MPO: variants seen among roughly 807,000 people sequenced by gnomAD.
MPO encodes the protein myeloperoxidase.
In MPO, 57 loss-of-function variants were observed where a neutral mutation model predicts 69.4. The ratio of observed to expected loss-of-function variants is 0.82; its 90% CI spans 0.66 to 1.02. MPO has a LOEUF of 1.02. Ranked by LOEUF, MPO falls within the 50% of genes least tolerant of loss-of-function variation. The pLI is 0.00. For missense variants in MPO, 971 were observed against 1,014.1 expected (o/e 0.96, Z 0.58); for synonymous variants, 426 against 417.1 (o/e 1.02, Z -0.26).
chr17:58,278,828 A>C (rs1191100146), intron 6 of MPO, 180 bp downstream of exon 6: 3 of 765,328 alleles, frequency 3.9e-6, no homozygotes, highest in Non-Finnish European at 6.4e-6. Context: ...CAGCTGGCTG[A>C]GCCCAGGCGC....
rs768403805 is a variant in MPO at position 58,275,656 on chromosome 17, G to A, written c.1251C>T (p.Thr417=). The A allele has an allele frequency of 6.2e-7, 1 of 1,614,156 alleles. No homozygotes were observed. Among genetic ancestry groups the A allele is most frequent in the Non-Finnish European group, 8.5e-7 (1 of 1,180,022 alleles). The change falls in exon 8 of 12, where the codon ACC becomes ACT. Residue 417 remains threonine (T), a synonymous_variant. Transcript: ENST00000225275. The surrounding 1 kb of genome is among the most constrained non-coding windows in gnomAD (Gnocchi z 4.1). ...SEMPELTSMH[T]LLLREHNRLA... ...GCCGGTTGTGCTCCCGAAGTAAGAG[G>A]GTGTGCATGGAGGTGAGCTCGGGCA...
Position 58,280,800 on chromosome 17 carries a change from C to A in MPO, c.-42G>T, listed in dbSNP as rs1284742838. 6.2e-7 allele frequency: 1 copy of A among 1,611,668 alleles called. No homozygotes were observed. The highest frequency in any genetic ancestry group is 1.1e-5 in the South Asian group (1 of 90,636). On this transcript the variant is annotated 5_prime_UTR_variant, in exon 1 of 12. Coordinates refer to ENST00000225275, the MANE Select transcript of MPO (RefSeq NM_000250.2). Reference sequence around the variant, plus strand: ...TGCTCAATCCCCCTTTGTACCTCAGCCCCACCTCAGAGGGCCCTGTCTATG... The same window carrying A: ...TGCTCAATCCCCCTTTGTACCTCAGACCCACCTCAGAGGGCCCTGTCTATG...
Position 58,270,931 on chromosome 17 carries a change from T to C in MPO, c.2031-68A>G. On this transcript the variant is annotated intron_variant, in intron 11 of 11. Coordinates refer to ENST00000225275, the MANE Select transcript of MPO (RefSeq NM_000250.2). This position sits in a 1 kb window ranked among gnomAD's most constrained non-coding sequence, Gnocchi z 4.1. ...TGGGCTGGCAGGGCATCGATGGGCT[T>C]GTGCTGCTCCCAGGATATAACAAAG... 2.6e-6 allele frequency: 4 copies of C among 1,556,112 alleles called. No homozygotes were observed. The highest frequency in any genetic ancestry group is 3.5e-6 in the Non-Finnish European group (4 of 1,130,292).
In MPO at chr17:58,273,687, G is replaced by T. The variant is rs1422424531; in HGVS notation, c.1366-18C>A. ...GTGATGATCTAAAGACAAGTCATTT[G>T]GAATGGCCTCTCCACCCACTCCTCC... is the stretch of plus-strand genomic sequence containing the variant. On this transcript the variant is annotated intron_variant, in intron 8 of 11. Transcript: ENST00000225275. 6.2e-7 allele frequency: 1 copy of T among 1,614,130 alleles called. No individual in the cohort carries two copies. The highest frequency in any genetic ancestry group is 1.1e-5 in the South Asian group (1 of 91,076).
chr17:58,274,471 C>G (rs567025816), intron 8 of MPO, among the ~76,000 whole-genome samples: 99 of 151,832 alleles, frequency 6.5e-4, no homozygotes, highest in Non-Finnish European at 1.2e-3. Flanking sequence ...AGGAACATTG[C>G]CCCAGGGGTA....
At position 58,271,895 on chromosome 17, in the gene MPO, G is replaced by A; in HGVS notation, c.1793-3C>T. ...GAAGCGCCTCCAGGCATTGTATCCT[G>A]CATGGGGGAGGGGACAGGTGGCTAT... On this transcript the variant is annotated splice_region_variant and splice_polypyrimidine_tract_variant and intron_variant, in intron 10 of 11. Transcript: ENST00000225275. The A allele has an allele frequency of 6.2e-7, 1 of 1,613,834 alleles. No individual in the cohort carries two copies.
chr17:58,271,439 C>T (rs1291630011), intron 11 of MPO, among the ~76,000 whole-genome samples: 3 of 152,156 alleles, frequency 2.0e-5, no homozygotes, highest in Non-Finnish European at 4.4e-5. Context: ...ATCTTCCACC[C>T]TTTACAACCA....
At position 58,280,693 on chromosome 17, in the gene MPO, A is replaced by T. The variant is rs753375910; in HGVS notation, c.66T>A (p.Gly22=). Residue 22 remains glycine, a synonymous_variant, in exon 1 of 12, where the codon GGT becomes GGA. Transcript: ENST00000225275. ...MVDLGPCWAG[G]LTAEMKLLLA... ...GAAGCAGCTTCATCTCTGCAGTGAG[A>T]CCCCCAGCCCAGCAAGGTCCTAAGT... The T allele has an allele frequency of 6.2e-7, 1 of 1,614,048 alleles. No individual in the cohort carries two copies. Among genetic ancestry groups the T allele is most frequent in the Non-Finnish European group, 8.5e-7 (1 of 1,179,986 alleles).
intron 3 of MPO, 61 bp downstream of exon 3, chr17:58,279,778 T>C (rs922049058): frequency 1.9e-6 from 3 of 1,612,842 alleles, no homozygotes; most frequent in Non-Finnish European, 2.5e-6. Flanking sequence ...GAGAGACGGC[T>C]GGGGTCCCTA....
chr17:58,280,248 G>T (rs1567830062), intron 2 of MPO, 118 bp downstream of exon 2: 2 of 1,093,400 alleles, frequency 1.8e-6, no homozygotes, highest in African/African-American at 3.1e-5. Flanking sequence ...GACAGAAAGG[G>T]AGTCCACATG....
rs1487044311 is a variant in MPO, at chr17:58,280,640, AGAATG to A, written c.114_118del (p.Ile39GlyfsTer7). 2 of 1,614,204 alleles carry A rather than the reference AGAATG, an allele frequency of 1.2e-6. No individual in the cohort carries two copies. The highest frequency in any genetic ancestry group is 1.7e-6 in the Non-Finnish European group (2 of 1,180,040). Reference sequence around the variant, plus strand: ...ACCTTCAGAGGGCTGGGGCGTGGCCAGAATGGCCAGGAGCCCTGCTAGGGCCAGAA... The same window carrying A: ...ACCTTCAGAGGGCTGGGGCGTGGCCAGCCAGGAGCCCTGCTAGGGCCAGAA... On this transcript the variant is annotated frameshift_variant, in exon 1 of 12. Transcript: ENST00000225275. LOFTEE classifies it high-confidence loss of function.
At chr17:58,274,165 G>A (rs750780907) in intron 8 of MPO, 2 of 499,010 alleles carry the variant, frequency 4.0e-6, no homozygotes, top group African/African-American at 3.9e-5. Context: ...CAGGGAGGCA[G>A]GAAGGAACGA....
In MPO at chr17:58,279,191, G is replaced by C; in HGVS notation, c.702C>G (p.Ile234Met). 10 of 1,607,868 alleles carry C rather than the reference G, an allele frequency of 6.2e-6. No homozygotes were observed. Among genetic ancestry groups the C allele is most frequent in the Non-Finnish European group, 8.5e-6 (10 of 1,177,350 alleles). Residue 234 changes from isoleucine (I) to methionine (M), a missense_variant, in exon 6 of 12, where the codon ATC becomes ATG. Coordinates refer to ENST00000225275, the MANE Select transcript of MPO (RefSeq NM_000250.2). Reference sequence around the variant, plus strand: ...TCAGCTGATCAGTGGGGAAGCGCACGATCTCGTTGGAGACCGCGCGAGCCT... The same window carrying C: ...TCAGCTGATCAGTGGGGAAGCGCACCATCTCGTTGGAGACCGCGCGAGCCT... Reference protein sequence around the residue: ...VALARAVSNEIVRFPTDQLTP... With the variant: ...VALARAVSNEMVRFPTDQLTP...
At chr17:58,280,153 T>C (rs766078934) in intron 2 of MPO, 139 bp from the exon 3 acceptor site, 19 of 1,161,050 alleles carry the variant, frequency 1.6e-5, no homozygotes, top group Non-Finnish European at 2.4e-5. Context: ...AAAAAGGATA[T>C]GGACCTGGGT....
Position 58,270,561 on chromosome 17 carries a change from A to C in MPO, c.*95T>G. 3.0e-6 allele frequency: 3 copies of C among 1,013,790 alleles called. No individual in the cohort carries two copies. Among genetic ancestry groups the C allele is most frequent in the Non-Finnish European group, 4.6e-6 (3 of 657,794 alleles). The allele number at this position is 1,013,790 out of a possible 1,614,324, so 62.8% of individuals were successfully genotyped here. A position where few individuals can be genotyped will look rare whatever the true frequency, so the allele number is the denominator to read the frequency against. ...CACTCATTTTCTCAGCTGCACCCAG[A>C]ACAGGGCTGGGCTCATCTAGGGCAA... On this transcript the variant is annotated 3_prime_UTR_variant, in exon 12 of 12. Transcript: ENST00000225275. The surrounding 1 kb of genome is among the most constrained non-coding windows in gnomAD (Gnocchi z 4.1).
rs922848212 is a variant in MPO, at chr17:58,277,872, A to G, written c.1159T>C (p.Cys387Arg). ...CGCGCTGAGCGGTTGGTGAGGAGAC[A>G]GGGGTCATCGTGCAGGTTGTCAAAG... ...LPFDNLHDDP[C>R]LLTNRSARIP... The change falls in exon 7 of 12, where the codon TGT (cysteine) becomes CGT (arginine). Residue 387 changes from cysteine to arginine, a missense_variant. By Grantham distance (180) the Cys-to-Arg change is radical. Coordinates refer to ENST00000225275, the MANE Select transcript of MPO (RefSeq NM_000250.2). 4.4e-6 allele frequency: 7 copies of G among 1,608,764 alleles called. No individual in the cohort carries two copies. The highest frequency in any genetic ancestry group is 5.1e-6 in the Non-Finnish European group (6 of 1,180,008).
intron 7 of MPO, among the ~76,000 whole-genome samples, chr17:58,276,379 G>A (rs1227040298): frequency 6.6e-6 from 1 of 152,188 alleles, no homozygotes; most frequent in Non-Finnish European, 1.5e-5. Context: ...TGAGATATGT[G>A]GAGTCCACAC....
rs962439192 is a variant in MPO at position 58,275,013 on chromosome 17, C to T, written c.1365+529G>A. Among the ~76,000 whole-genome samples, 12 of 151,390 alleles carry T rather than the reference C, an allele frequency of 7.9e-5. No homozygotes were observed. The highest frequency in any genetic ancestry group is 2.0e-4 in the Admixed American group (3 of 15,204). On this transcript the variant is annotated intron_variant, in intron 8 of 11. Coordinates refer to ENST00000225275, the MANE Select transcript of MPO (RefSeq NM_000250.2). The surrounding 1 kb of genome is among the most constrained non-coding windows in gnomAD (Gnocchi z 4.1). Reference sequence around the variant, plus strand: ...CCAAGTAGCTGGGACTACAGGTGCCCGCCACCACGCCCGGCTAATTTTTGT... The same window carrying T: ...CCAAGTAGCTGGGACTACAGGTGCCTGCCACCACGCCCGGCTAATTTTTGT...
intron 10 of MPO, 123 bp from the exon 11 acceptor site, chr17:58,272,015 A>G (rs757121215): frequency 2.2e-5 from 23 of 1,025,172 alleles, no homozygotes; most frequent in Non-Finnish European, 3.2e-5. Context: ...CCTTCCCAAC[A>G]CAACCAAGGT....
Sources: allele counts gnomAD v4.1 joint callset (sites outside exome capture counted in the v4.1 genomes callset), GRCh38; gene constraint gnomAD v4.1.1; non-coding constraint Gnocchi (gnomAD v3.1); transcripts MANE v1.5; gene names NCBI Gene and HGNC (gene_info 2026-07-23, HGNC 2026-07-21).